PTP4A1: variants seen among roughly 807,000 people sequenced by gnomAD.
PTP4A1 encodes protein tyrosine phosphatase 4A1.
Under a neutral mutation model 20.5 loss-of-function variants are expected in PTP4A1, and 9 were observed. That is an observed-to-expected ratio of 0.44 (90% CI 0.26 to 0.77). PTP4A1 has a LOEUF of 0.77. PTP4A1 is among the 30% of genes least tolerant of loss of function. PTP4A1 has a pLI of 0.19. For synonymous variants in PTP4A1, 78 were observed against 67.4 expected, an observed-to-expected ratio of 1.16 and a Z score of -0.77; for missense variants, 137 against 218.8, an observed-to-expected ratio of 0.63 and a Z score of 2.36.
chr6:63,564,236 A>G (rs1777086976), intron 3 of PTP4A1, among the ~76,000 whole-genome samples: 1 of 150,976 alleles, frequency 6.6e-6, no homozygotes, highest in Admixed American at 6.7e-5. Flanking sequence ...AGATTGCACC[A>G]TTGCACTCCA....
At chr6:63,551,311 C>G (rs1468090638) in intron 3 of PTP4A1, among the ~76,000 whole-genome samples, 1 of 152,128 alleles carries the variant, frequency 6.6e-6, no homozygotes, top group Admixed American at 6.5e-5. Flanking sequence ...GGTGATCTGC[C>G]TGTCTTGGCC....
chr6:63,571,491 C>T (rs1777423505), upstream of PTP4A1: 1 of 152,152 alleles, frequency 6.6e-6, no homozygotes, highest in South Asian at 2.1e-4. Flanking sequence ...GACTTTACTT[C>T]TTAGGGGCTT....
upstream of PTP4A1, among the ~76,000 whole-genome samples, chr6:63,520,672 A>AATAT (rs1276907923): frequency 6.6e-6 from 1 of 150,830 alleles, no homozygotes; most frequent in African/African-American, 2.4e-5. Flanking sequence ...TAAATAAATA[A>AATAT]AATGAAAATA....
chr6:63,519,916 G>T (rs938360961), upstream of PTP4A1, among the ~76,000 whole-genome samples: 10 of 152,124 alleles, frequency 6.6e-5, no homozygotes, highest in Non-Finnish European at 1.3e-4. Context: ...TTGACAAATG[G>T]ACTTGAAATA....
upstream of PTP4A1, among the ~76,000 whole-genome samples, chr6:63,570,556 A>G (rs1337782886): frequency 1.3e-5 from 2 of 152,254 alleles, no homozygotes; most frequent in Non-Finnish European, 2.9e-5. Context: ...TCTGTGGATC[A>G]CAAGGCTCAC....
chr6:63,572,445 C>A (rs1362644036), upstream of PTP4A1: 3 of 376,922 alleles, frequency 8.0e-6, no homozygotes, highest in Non-Finnish European at 1.4e-5. Flanking sequence ...GCACGTCGCG[C>A]CGGCTATAAA....
chr6:63,537,042 A>G (rs994417563), intron 2 of PTP4A1, among the ~76,000 whole-genome samples: 4 of 152,106 alleles, frequency 2.6e-5, no homozygotes, highest in African/African-American at 9.6e-5. Context: ...TAAAATTAAA[A>G]TTAAATATTT....
intron 3 of PTP4A1, among the ~76,000 whole-genome samples, chr6:63,564,938 C>T (rs976469119): frequency 6.6e-6 from 1 of 152,144 alleles, no homozygotes; most frequent in Non-Finnish European, 1.5e-5. Context: ...TTATTCAGTG[C>T]CCCAAGGAAA....
chr6:63,579,365 CTT>C, intron 5 of PTP4A1, 34 bp downstream of exon 5: 1 of 1,487,820 alleles, frequency 6.7e-7, no homozygotes, highest in Non-Finnish European at 9.2e-7. Context: ...TTTGTACTCT[CTT>C]TCATTTCCTT....
chr6:63,547,552 C>T (rs1445564551), intron 2 of PTP4A1, among the ~76,000 whole-genome samples: 1 of 136,552 alleles, frequency 7.3e-6, no homozygotes, highest in African/African-American at 2.8e-5. Context: ...GTCGCCCAGG[C>T]TGGAGTGCAG....
chr6:63,562,757 G>A (rs1233608943), intron 3 of PTP4A1, among the ~76,000 whole-genome samples: 1 of 152,178 alleles, frequency 6.6e-6, no homozygotes, highest in Admixed American at 6.5e-5. Context: ...ACTTTTAGGA[G>A]TCCCGCTGCT....
rs537126874 is a variant in PTP4A1, at chr6:63,528,461, A to G, written c.-640+377A>G. Among the ~76,000 whole-genome samples the G allele has an allele frequency of 2.6e-5, 4 of 151,722 alleles. No homozygotes were observed. The East Asian group carries it at 7.8e-4, about 30-fold the overall frequency. ...TTTTTAAGGCCGGGTACAGTGGTTC[A>G]TGCCTATAATCCTAATACTTTGGGA... On this transcript the variant is annotated intron_variant, in intron 2 of 3. Transcript: ENST00000639568.
At chr6:63,543,573 G>T (rs922188171) in intron 2 of PTP4A1, among the ~76,000 whole-genome samples, 1 of 152,234 alleles carries the variant, frequency 6.6e-6, no homozygotes, top group African/African-American at 2.4e-5. Flanking sequence ...ATAAGGCAGA[G>T]TGTTGATGAT....
intron 2 of PTP4A1, among the ~76,000 whole-genome samples, chr6:63,548,256 T>A (rs1461422355): frequency 1.3e-5 from 2 of 152,254 alleles, no homozygotes; most frequent in Admixed American, 1.3e-4. Context: ...GAATCCAGAT[T>A]CAAATTATTT....
chr6:63,526,829 ATATATATTTATT>A (rs1038897384), intron 1 of PTP4A1, among the ~76,000 whole-genome samples: 14 of 139,998 alleles, frequency 1.0e-4, no homozygotes, highest in African/African-American at 3.7e-4. Flanking sequence ...ATATATATAT[ATATATATTTATT>A]TATTTATTCT....
At chr6:63,566,652 C>T (rs529313172) in intron 3 of PTP4A1, among the ~76,000 whole-genome samples, 1 of 152,202 alleles carries the variant, frequency 6.6e-6, no homozygotes, top group African/African-American at 2.4e-5. Flanking sequence ...GAGAATCCTG[C>T]CTCAGTGATG....
At chr6:63,575,917 A>C (rs1777828470) in intron 1 of PTP4A1, among the ~76,000 whole-genome samples, 1 of 152,116 alleles carries the variant, frequency 6.6e-6, no homozygotes, top group Admixed American at 6.5e-5. Context: ...TAGATGTTTC[A>C]GTTTATGAGT....
intron 3 of PTP4A1, among the ~76,000 whole-genome samples, chr6:63,551,892 A>G (rs1053141165): frequency 6.6e-6 from 1 of 152,122 alleles, no homozygotes; most frequent in Non-Finnish European, 1.5e-5. Context: ...TTATGGCTGC[A>G]TAGTATTCCA....
intron 3 of PTP4A1, among the ~76,000 whole-genome samples, chr6:63,557,899 T>G (rs1339788377): frequency 6.6e-6 from 1 of 152,102 alleles, no homozygotes; most frequent in Non-Finnish European, 1.5e-5. Context: ...CATATGCTTT[T>G]TTTTTTTTGA....
Sources: allele counts gnomAD v4.1 joint callset (sites outside exome capture counted in the v4.1 genomes callset), GRCh38; gene constraint gnomAD v4.1.1; transcripts MANE v1.5; gene names NCBI Gene and HGNC (gene_info 2026-07-23, HGNC 2026-07-21).